Variants in CDC20B observed in about 807,000 individuals in gnomAD.
CDC20B encodes the protein cell division cycle 20B.
A neutral mutation model predicts 64.1 loss-of-function variants in CDC20B; 58 were observed. That is an observed-to-expected ratio of 0.90 (90% CI 0.73 to 1.13). CDC20B has a LOEUF of 1.13. Ranked by LOEUF, CDC20B falls within the 50% of genes most tolerant of loss-of-function variation. The pLI is 0.00. For synonymous variants in CDC20B, 243 were observed against 230.6 expected (o/e 1.05, Z -0.49); for missense variants, 597 against 633.0 (o/e 0.94, Z 0.61).
At chr5:55,172,483 T>C (rs1744633852) in intron 2 of CDC20B, 105 bp downstream of exon 2, 3 of 921,364 alleles carry the variant, frequency 3.3e-6, no homozygotes, top group Non-Finnish European at 5.2e-6. Flanking sequence ...AAAATTCTCA[T>C]ATTTTCAGAC....
chr5:55,149,959 C>T (rs1335209891), intron 2 of CDC20B, among the ~76,000 whole-genome samples: 1 of 152,014 alleles, frequency 6.6e-6, no homozygotes, highest in Non-Finnish European at 1.5e-5. Context: ...TATGATGAAA[C>T]CCCATCTCTA....
In CDC20B at chr5:55,135,624, T is replaced by C. The variant is rs1011548889; in HGVS notation, c.581-2096A>G. On this transcript the variant is annotated intron_variant, in intron 5 of 11. Transcript: ENST00000381375. ...TGCTGGGAAACAGACGCTTGAGGAA[T>C]AAACATGCACAAAGTTCTAGCTAGA... is the stretch of plus-strand genomic sequence containing the variant. 3 of 152,118 alleles carry C rather than the reference T, an allele frequency of 2.0e-5. No homozygotes were observed. The East Asian group carries it at 5.8e-4, about 29-fold the overall frequency. 9.4% of individuals were successfully genotyped at this position (152,118 alleles called of 1,614,324 possible). A position where few individuals can be genotyped will look rare whatever the true frequency, so the allele number is the denominator to read the frequency against.
intron 2 of CDC20B, among the ~76,000 whole-genome samples, chr5:55,147,157 TATAAAC>T (rs1743509490): frequency 1.4e-5 from 2 of 143,074 alleles, no homozygotes; most frequent in Non-Finnish European, 3.0e-5. Context: ...TTATATATTA[TATAAAC>T]ATAAATATGT....
intron 2 of CDC20B, among the ~76,000 whole-genome samples, chr5:55,154,519 A>C (rs529212849): frequency 6.6e-6 from 1 of 152,180 alleles, no homozygotes; most frequent in Non-Finnish European, 1.5e-5. Flanking sequence ...CGTGTCTCCC[A>C]AGAAAAAAGA....
intron 9 of CDC20B, among the ~76,000 whole-genome samples, chr5:55,122,842 C>T (rs1742791827): frequency 6.6e-6 from 1 of 152,160 alleles, no homozygotes; most frequent in African/African-American, 2.4e-5. Flanking sequence ...GTCCAGCCTC[C>T]CACACTTTTA....
At chr5:55,152,090 G>A (rs1275965887) in intron 2 of CDC20B, among the ~76,000 whole-genome samples, 1 of 152,230 alleles carries the variant, frequency 6.6e-6, no homozygotes, top group Non-Finnish European at 1.5e-5. Flanking sequence ...AGTGACCGGA[G>A]TGATAGGGCC....
intron 2 of CDC20B, chr5:55,166,035 T>G (rs1214286515): frequency 6.6e-6 from 1 of 152,250 alleles, no homozygotes; most frequent in Non-Finnish European, 1.5e-5. Flanking sequence ...CTAAGAAAAC[T>G]TATGCTCAGG....
At chr5:55,161,365 A>C in intron 2 of CDC20B, 3 of 1,066,688 alleles carry the variant, frequency 2.8e-6, no homozygotes, top group Non-Finnish European at 4.1e-6. Context: ...GGAAAGCTTC[A>C]TAAAACTATC....
rs569800990 is a variant in CDC20B, at chr5:55,160,274, T to C, written c.126+12314A>G. 1.9e-6 allele frequency: 3 copies of C among 1,613,926 alleles called. No homozygotes were observed. In the East Asian group the frequency reaches 6.7e-5, roughly 36 times the overall value. The stretch of plus-strand genomic sequence containing the variant: ...TGCAGTTTTGCTGTCTATAGTTCTA[T>C]GCACAGTAACGCTATTTCTTCTACA... On this transcript the variant is annotated intron_variant, in intron 2 of 11. Transcript: ENST00000381375.
chr5:55,133,730 A>T (rs1488457560), intron 5 of CDC20B, among the ~76,000 whole-genome samples: 1 of 152,178 alleles, frequency 6.6e-6, no homozygotes, highest in Admixed American at 6.5e-5. Context: ...AAGAAGATTA[A>T]AATTTTTTTC....
chr5:55,124,038 G>A (rs1037090228), intron 9 of CDC20B, among the ~76,000 whole-genome samples: 2 of 152,164 alleles, frequency 1.3e-5, no homozygotes, highest in Non-Finnish European at 2.9e-5. Context: ...CTGGGACTAC[G>A]TTGAGGTCAA....
At chr5:55,129,456 CGA>C in intron 6 of CDC20B, among the ~76,000 whole-genome samples, 1 of 151,996 alleles carries the variant, frequency 6.6e-6, no homozygotes, top group Non-Finnish European at 1.5e-5. Flanking sequence ...GGAGTGCCAG[CGA>C]AGACTCTGAC....
chr5:55,152,697 T>G (rs922092634), intron 2 of CDC20B, among the ~76,000 whole-genome samples: 1 of 152,220 alleles, frequency 6.6e-6, no homozygotes, highest in African/African-American at 2.4e-5. Flanking sequence ...CTAATCCCTA[T>G]GCTAAAAAGC....
At chr5:55,129,061 T>C (rs1188860470) in intron 6 of CDC20B, among the ~76,000 whole-genome samples, 1 of 152,222 alleles carries the variant, frequency 6.6e-6, no homozygotes, top group African/African-American at 2.4e-5. Flanking sequence ...GTATGATACC[T>C]ACACGTTCTC....
At chr5:55,171,862 C>G (rs1354453734) in intron 2 of CDC20B, among the ~76,000 whole-genome samples, 2 of 152,158 alleles carry the variant, frequency 1.3e-5, no homozygotes, top group African/African-American at 2.4e-5. Flanking sequence ...GCCTCAGCAT[C>G]CCAAAGTGCC....
At chr5:55,132,775 A>G (rs936776827) in intron 6 of CDC20B, among the ~76,000 whole-genome samples, 3 of 152,166 alleles carry the variant, frequency 2.0e-5, no homozygotes, top group African/African-American at 7.2e-5. Flanking sequence ...CCAGTCCCCA[A>G]TGTATCTTCT....
At position 55,133,672 on chromosome 5, in the gene CDC20B, G is replaced by C. The variant is rs573588946; in HGVS notation, c.581-144C>G. ...CATCATGATAAAACTACAGTACAAA[G>C]AGCCGGGGAAGGAAGGAAATGAAGA... On this transcript the variant is annotated intron_variant, in intron 5 of 11. Transcript: ENST00000381375. 1.6e-5 allele frequency: 7 copies of C among 439,894 alleles called. 1 individual carries two copies. The South Asian group carries it at 3.4e-4, about 22-fold the overall frequency. The allele number at this position is 439,894 out of a possible 1,614,324, so 27.2% of individuals were successfully genotyped here. A position where few individuals can be genotyped will look rare whatever the true frequency, so the allele number is the denominator to read the frequency against.
intron 4 of CDC20B, 44 bp from the exon 5 acceptor site, chr5:55,140,451 A>G: frequency 7.8e-7 from 1 of 1,286,386 alleles, no homozygotes; most frequent in Non-Finnish European, 1.1e-6. Context: ...TTAAAAACAT[A>G]CATGTACAAC....
intron 10 of CDC20B, 145 bp downstream of exon 10, chr5:55,120,280 A>G: frequency 1.2e-6 from 1 of 862,160 alleles, no homozygotes; most frequent in Admixed American, 2.6e-5. Flanking sequence ...AGGTTTTTAC[A>G]ATAAAAAGAA....
Sources: allele counts gnomAD v4.1 joint callset (sites outside exome capture counted in the v4.1 genomes callset), GRCh38; gene constraint gnomAD v4.1.1; transcripts MANE v1.5; gene names NCBI Gene and HGNC (gene_info 2026-07-23, HGNC 2026-07-21).